CCN4: variants seen among roughly 807,000 people sequenced by gnomAD.
CCN4 encodes CCN family member 4.
Under a neutral mutation model 36.7 loss-of-function variants are expected in CCN4, and 30 were observed. The ratio of observed to expected loss-of-function variants is 0.82; its 90% confidence interval spans 0.61 to 1.11. CCN4 has a LOEUF of 1.11. CCN4 is among the 50% of genes least tolerant of loss of function. The pLI is 0.00. For synonymous variants in CCN4, 191 were observed against 195.4 expected (o/e 0.98, Z 0.19); for missense variants, 505 against 504.9 (o/e 1.00, Z 0.00).
At chr8:133,194,382 T>G (rs1588176959) in intron 1 of CCN4, among the ~76,000 whole-genome samples, 5 of 66,578 alleles carry the variant, frequency 7.5e-5, no homozygotes, top group East Asian at 5.1e-4. Flanking sequence ...GTGTGGGGTG[T>G]GTGTGTGGTG....
At position 133,227,850 on chromosome 8, in the gene CCN4, A is replaced by G; in HGVS notation, c.*140A>G. 2 of 923,592 alleles carry G rather than the reference A, an allele frequency of 2.2e-6. No homozygotes were observed. The highest frequency in any genetic ancestry group is 3.2e-6 in the Non-Finnish European group (2 of 628,614). The allele number at this position is 923,592 out of a possible 1,614,324, so 57.2% of individuals were successfully genotyped here. ...CTCCATTTCTGTCTCTAACCATTCA[A>G]ATGACGCCTGATGGTGCTGCTCAGG... On this transcript the variant is annotated 3_prime_UTR_variant, in exon 5 of 5. Transcript: ENST00000250160.
intron 1 of CCN4, among the ~76,000 whole-genome samples, chr8:133,211,320 A>C (rs1436177088): frequency 6.6e-6 from 1 of 152,216 alleles, no homozygotes; most frequent in Non-Finnish European, 1.5e-5. Context: ...GGGTTCCCCA[A>C]TCATAGGGAC....
At position 133,229,655 on chromosome 8, in the gene CCN4, A is replaced by G. The variant is rs1451666642; in HGVS notation, c.*1945A>G. On this transcript the variant is annotated 3_prime_UTR_variant, in exon 5 of 5. Transcript: ENST00000250160. ...CCTCCCCAAAACCTAGTCCAGTGCA[A>G]GGTATACAGTGGTGCTCATTAAATA... 1 of 152,228 alleles carries G rather than the reference A, an allele frequency of 6.6e-6. No homozygotes were observed. Among genetic ancestry groups the G allele is most frequent in the African/African-American group, 2.4e-5 (1 of 41,460 alleles). 9.4% of individuals were successfully genotyped at this position (152,228 alleles called of 1,614,324 possible).
At chr8:133,210,284 T>G (rs1853958796) in intron 1 of CCN4, among the ~76,000 whole-genome samples, 1 of 151,566 alleles carries the variant, frequency 6.6e-6, no homozygotes, top group African/African-American at 2.4e-5. Flanking sequence ...ACGTCCTGAG[T>G]GTGGTGGCTC....
chr8:133,213,275 A>C, intron 2 of CCN4, 132 bp downstream of exon 2: 1 of 1,135,626 alleles, frequency 8.8e-7, no homozygotes, highest in Admixed American at 2.6e-5. Flanking sequence ...ACACCCCATG[A>C]TCAGAGGCCA....
At chr8:133,220,413 T>C (rs538709895) in intron 2 of CCN4, among the ~76,000 whole-genome samples, 168 bp from the exon 3 acceptor site, 4 of 152,208 alleles carry the variant, frequency 2.6e-5, no homozygotes, top group Non-Finnish European at 4.4e-5. Context: ...AGCCCTGCCC[T>C]GTGCACTCTC....
intron 1 of CCN4, among the ~76,000 whole-genome samples, chr8:133,203,317 T>C (rs1853656317): frequency 6.6e-6 from 1 of 152,194 alleles, no homozygotes; most frequent in Non-Finnish European, 1.5e-5. Flanking sequence ...GACCCTGCCT[T>C]GTTCATCTGA....
chr8:133,194,293 G>GGTGT (rs200747824), intron 1 of CCN4, among the ~76,000 whole-genome samples: 5 of 118,466 alleles, frequency 4.2e-5, no homozygotes, highest in East Asian at 2.6e-4. Context: ...GGGTGTGTCT[G>GGTGT]GTGTGTGTGT....
At chr8:133,196,895 C>G (rs900335837) in intron 1 of CCN4, among the ~76,000 whole-genome samples, 2 of 152,272 alleles carry the variant, frequency 1.3e-5, no homozygotes, top group Non-Finnish European at 2.9e-5. Flanking sequence ...AGACCTCAGG[C>G]TCAGCACCAG....
intron 1 of CCN4, among the ~76,000 whole-genome samples, chr8:133,198,356 T>A (rs1251836016): frequency 6.6e-6 from 1 of 152,178 alleles, no homozygotes; most frequent in Non-Finnish European, 1.5e-5. Flanking sequence ...TGTAGCTGTG[T>A]TTCTGGCCCA....
At chr8:133,220,043 T>A (rs1854460190) in intron 2 of CCN4, among the ~76,000 whole-genome samples, 1 of 151,996 alleles carries the variant, frequency 6.6e-6, no homozygotes, top group Non-Finnish European at 1.5e-5. Flanking sequence ...CAGACACTTG[T>A]AACTGCCAAC....
At chr8:133,201,332 A>G (rs1853579768) in intron 1 of CCN4, among the ~76,000 whole-genome samples, 1 of 152,224 alleles carries the variant, frequency 6.6e-6, no homozygotes, top group Non-Finnish European at 1.5e-5. Flanking sequence ...TCTTGATTCA[A>G]AGAAACCATC....
chr8:133,203,893 T>C (rs971873749), intron 1 of CCN4, among the ~76,000 whole-genome samples: 3 of 152,258 alleles, frequency 2.0e-5, no homozygotes, highest in Admixed American at 6.5e-5. Context: ...AATACTGATA[T>C]GCAAACGTCA....
intron 3 of CCN4, among the ~76,000 whole-genome samples, 170 bp from the exon 4 acceptor site, chr8:133,225,220 T>TC (rs1274614031): frequency 6.6e-6 from 1 of 152,176 alleles, no homozygotes; most frequent in Non-Finnish European, 1.5e-5. Flanking sequence ...TGTCCTCCAC[T>TC]CCCTGGGTAC....
At chr8:133,194,968 GGTGT>G (rs1364888984) in intron 1 of CCN4, among the ~76,000 whole-genome samples, 3 of 144,248 alleles carry the variant, frequency 2.1e-5, no homozygotes, top group Admixed American at 2.1e-4. Flanking sequence ...GTATGTGTGT[GGTGT>G]GTGTGTTGAG....
In CCN4 at chr8:133,202,481, A is replaced by G. The variant is rs556681292; in HGVS notation, c.70-10383A>G. Among the ~76,000 whole-genome samples, 6 of 152,316 alleles carry G rather than the reference A, an allele frequency of 3.9e-5. No homozygotes were observed. The East Asian group carries it at 1.2e-3, about 29-fold the overall frequency. ...AATGAGTGAATGCATGAGTGAACAC[A>G]TGGACTAGGGCTCGTTATCTGGAAA... On this transcript the variant is annotated intron_variant, in intron 1 of 4. Coordinates refer to ENST00000250160, the MANE Select transcript of CCN4 (RefSeq NM_003882.4).
chr8:133,225,910 C>T (rs939441339), intron 4 of CCN4, among the ~76,000 whole-genome samples: 1 of 152,132 alleles, frequency 6.6e-6, no homozygotes, highest in African/African-American at 2.4e-5. Context: ...CCTGTGCCAG[C>T]CCACCCCCAC....
chr8:133,219,030 T>G (rs1854426122), intron 2 of CCN4, among the ~76,000 whole-genome samples: 1 of 152,182 alleles, frequency 6.6e-6, no homozygotes, highest in Non-Finnish European at 1.5e-5. Context: ...CTTTCTGGCT[T>G]CAGACCGCTC....
intron 2 of CCN4, among the ~76,000 whole-genome samples, chr8:133,215,250 T>C (rs1854276965): frequency 6.6e-6 from 1 of 152,158 alleles, no homozygotes; most frequent in Non-Finnish European, 1.5e-5. Flanking sequence ...TCTAGTCCTT[T>C]AACAAGACTC....
Sources: allele counts gnomAD v4.1 joint callset (sites outside exome capture counted in the v4.1 genomes callset), GRCh38; gene constraint gnomAD v4.1.1; transcripts MANE v1.5; gene names NCBI Gene and HGNC (gene_info 2026-07-23, HGNC 2026-07-21).